Variants in TRMT9B observed in about 807,000 individuals in gnomAD.
The protein encoded by TRMT9B is probable tRNA methyltransferase 9B.
TRMT9B carries 16 observed loss-of-function variants against 11.5 expected under a neutral mutation model. That is an observed-to-expected ratio of 1.39 (90% CI 0.94 to 2.11). The LOEUF is 2.11. Among genes scored for constraint, TRMT9B ranks in the 30% most tolerant of loss-of-function variants. TRMT9B has a pLI of 0.00. For synonymous variants in TRMT9B, 274 were observed against 192.4 expected (o/e 1.42, Z -3.51); for missense variants, 941 against 553.8 (o/e 1.70, Z -7.02).
intron 1 of TRMT9B, among the ~76,000 whole-genome samples, chr8:12,987,758 T>G (rs149913986): frequency 7.2e-5 from 11 of 152,242 alleles, no homozygotes; most frequent in Non-Finnish European, 1.3e-4. Context: ...CTAGCCTACC[T>G]TAAACGTGCT....
chr8:12,973,891 GGCTCA>G, intron 1 of TRMT9B, among the ~76,000 whole-genome samples: 1 of 152,268 alleles, frequency 6.6e-6, no homozygotes, highest in South Asian at 2.1e-4. Context: ...CATATGCGGT[GGCTCA>G]TACCTGTAAT....
At chr8:12,999,544 A>T (rs1809014310) in intron 2 of TRMT9B, among the ~76,000 whole-genome samples, 1 of 152,188 alleles carries the variant, frequency 6.6e-6, no homozygotes, top group Non-Finnish European at 1.5e-5. Context: ...ATGATTTAAA[A>T]ATTTAAAAGA....
intron 3 of TRMT9B, among the ~76,000 whole-genome samples, chr8:13,008,287 TA>T (rs1361544624): frequency 9.8e-5 from 15 of 152,336 alleles, no homozygotes; most frequent in Admixed American, 3.3e-4. Flanking sequence ...TCAGGAACAC[TA>T]GACGGCATTT....
Position 13,021,644 on chromosome 8 carries a change from A to G in TRMT9B, c.965A>G (p.Glu322Gly), listed in dbSNP as rs764700281. The G allele has an allele frequency of 1.1e-5, 17 of 1,613,874 alleles. No individual in the cohort carries two copies. Among genetic ancestry groups the G allele is most frequent in the Non-Finnish European group, 1.4e-5 (17 of 1,179,802 alleles). ...GAATCTTCTTCTGGAAAACACTTGG[A>G]GTGGCTGAGAGCACCAGGCACTCTG... ...FVESSSGKHL[E>G]WLRAPGTLKH... is the part of the protein sequence containing the mutation. Residue 322 changes from glutamate to glycine, a missense_variant, in exon 5 of 5, where the codon GAG becomes GGG. Transcript: ENST00000524591.
chr8:13,015,307 AC>A (rs146331645), intron 4 of TRMT9B, among the ~76,000 whole-genome samples: 9,991 of 151,688 alleles, frequency 0.066, 409 homozygotes, highest in African/African-American at 0.11. Flanking sequence ...TTGTCATTTA[AC>A]TTTTCAAGTG....
At chr8:13,009,008 G>A (rs1585344675) in intron 3 of TRMT9B, among the ~76,000 whole-genome samples, 1 of 152,166 alleles carries the variant, frequency 6.6e-6, no homozygotes, top group African/African-American at 2.4e-5. Flanking sequence ...GATTACAGGC[G>A]TGAGCCACCG....
intron 2 of TRMT9B, among the ~76,000 whole-genome samples, chr8:12,997,916 C>A (rs528568381): frequency 1.3e-5 from 2 of 152,206 alleles, no homozygotes; most frequent in South Asian, 4.2e-4. Context: ...ACTAGATATT[C>A]TTTGTGTTTT....
At chr8:13,011,259 T>C in intron 3 of TRMT9B, 12 of 974,432 alleles carry the variant, frequency 1.2e-5, no homozygotes, top group Non-Finnish European at 1.5e-5. Flanking sequence ...GTGCTAGGAT[T>C]ATAGGCATGA....
intron 1 of TRMT9B, among the ~76,000 whole-genome samples, chr8:12,973,460 A>T (rs73546461): frequency 0.019 from 2,958 of 152,320 alleles, 92 homozygotes; most frequent in African/African-American, 0.067. Flanking sequence ...AAAAAATCTA[A>T]AGGCTGGTAG....
chr8:13,001,220 C>G (rs1809378900), intron 2 of TRMT9B, among the ~76,000 whole-genome samples: 1 of 152,206 alleles, frequency 6.6e-6, no homozygotes, highest in African/African-American at 2.4e-5. Flanking sequence ...TTGTGGTCAT[C>G]TGACTATTCA....
At chr8:13,017,191 C>A (rs910468754) in intron 4 of TRMT9B, among the ~76,000 whole-genome samples, 1 of 152,060 alleles carries the variant, frequency 6.6e-6, no homozygotes, top group Non-Finnish European at 1.5e-5. Context: ...CTGCTTTATG[C>A]TAAACCTGCA....
rs1406043145 is a variant in TRMT9B, at chr8:13,025,716, A to G, written c.*3672A>G. The G allele has an allele frequency of 1.8e-5, 3 of 167,068 alleles. No homozygotes were observed. The highest frequency in any genetic ancestry group is 4.4e-5 in the Non-Finnish European group (3 of 68,128). 10.3% of individuals were successfully genotyped at this position (167,068 alleles called of 1,614,324 possible). The stretch of plus-strand genomic sequence containing the variant: ...TATAGTGATGATATGACACCAGCAT[A>G]TCAAAGTAACTAACAAACTAGCTAC... On this transcript the variant is annotated 3_prime_UTR_variant, in exon 5 of 5. Coordinates refer to ENST00000524591, the MANE Select transcript of TRMT9B (RefSeq NM_020844.3).
rs116689844 is a variant in TRMT9B, at chr8:12,996,908, A to G, written c.-2+5877A>G. ...GCCTCTATCCCACTTCTAATGGCCC[A>G]CATTTGTTTTATCTGTTTTTGTACC... On this transcript the variant is annotated intron_variant, in intron 2 of 4. Transcript: ENST00000524591. 5.4e-3 allele frequency among the ~76,000 whole-genome samples: 815 copies of G among 151,134 alleles called. 10 individuals are homozygous for G. Among genetic ancestry groups the G allele is most frequent in the African/African-American group, 0.019 (788 of 41,086 alleles).
rs554814878 is a variant in TRMT9B at position 13,018,564 on chromosome 8, C to G, written c.329-2444C>G. ...CCAAAAAATAGTCAATTATCATTAT[C>G]TACAGTAGTCATGTTCTATAAAGTC... On this transcript the variant is annotated intron_variant, in intron 4 of 4. Transcript: ENST00000524591. 2.6e-5 allele frequency among the ~76,000 whole-genome samples: 4 copies of G among 152,162 alleles called. No homozygotes were observed. In the South Asian group the frequency reaches 6.2e-4, roughly 24 times the overall value.
intron 4 of TRMT9B, among the ~76,000 whole-genome samples, chr8:13,019,346 C>T (rs112333803): frequency 0.014 from 2,056 of 152,286 alleles, 20 homozygotes; most frequent in Non-Finnish European, 0.02. Flanking sequence ...GACTGGACTG[C>T]AGTGGCATGA....
Position 13,011,478 on chromosome 8 carries a change from C to G in TRMT9B, c.155-1206C>G, listed in dbSNP as rs1437867973. 3 of 983,994 alleles carry G rather than the reference C, an allele frequency of 3.0e-6. No homozygotes were observed. The African/African-American group carries it at 5.2e-5, about 17-fold the overall frequency. The allele number at this position is 983,994 out of a possible 1,614,324, so 61.0% of individuals were successfully genotyped here. A position where few individuals can be genotyped will look rare whatever the true frequency, so the allele number is the denominator to read the frequency against. On this transcript the variant is annotated intron_variant, in intron 3 of 4. Transcript: ENST00000524591. ...GATATCTTTTCAGGTAGAAAAATTTCATCAGTAATGCCAATAAGTACAAAT... is the reference window on the plus strand; with the variant it reads ...GATATCTTTTCAGGTAGAAAAATTTGATCAGTAATGCCAATAAGTACAAAT...
At chr8:13,006,401 C>A in intron 3 of TRMT9B, 45 bp downstream of exon 3, 1 of 1,457,804 alleles carries the variant, frequency 6.9e-7, no homozygotes, top group Non-Finnish European at 9.1e-7. Context: ...CAGGCAGCCT[C>A]ATCGCTGACA....
chr8:12,958,306 A>G (rs1172666498), intron 1 of TRMT9B: 6 of 152,212 alleles, frequency 3.9e-5, no homozygotes, highest in Admixed American at 3.9e-4. Flanking sequence ...GTGTACGGAT[A>G]TCTCTTAGAG....
At chr8:12,962,474 A>C (rs569018845) in intron 1 of TRMT9B, among the ~76,000 whole-genome samples, 12 of 151,764 alleles carry the variant, frequency 7.9e-5, no homozygotes, top group African/African-American at 2.7e-4. Flanking sequence ...TTCTGGCTTA[A>C]ATTTTTTTTT....
Sources: allele counts gnomAD v4.1 joint callset (sites outside exome capture counted in the v4.1 genomes callset), GRCh38; gene constraint gnomAD v4.1.1; transcripts MANE v1.5; gene names NCBI Gene and HGNC (gene_info 2026-07-23, HGNC 2026-07-21).